The following MAPK10 variants were observed in gnomAD, a reference collection of about 807,000 sequenced individuals.
The protein encoded by MAPK10 is JNK3 alpha protein kinase.
A neutral mutation model predicts 59.3 loss-of-function variants in MAPK10; 25 were observed. That is an observed-to-expected ratio of 0.42 (90% confidence interval 0.31 to 0.59). MAPK10 has a LOEUF of 0.59. Ranked by LOEUF, MAPK10 falls within the 20% of genes least tolerant of loss-of-function variation. The pLI, the probability that MAPK10 is intolerant of heterozygous loss-of-function variation, is 0.15. For synonymous variants in MAPK10, 190 were observed against 200.5 expected, an observed-to-expected ratio of 0.95 and a Z score of 0.44; for missense variants, 351 against 568.9, an observed-to-expected ratio of 0.62 and a Z score of 3.90.
chr4:86,549,369 G>C (rs1759574517), intron 1 of MAPK10, among the ~76,000 whole-genome samples: 1 of 152,126 alleles, frequency 6.6e-6, no homozygotes. Flanking sequence ...ATAGTCCATT[G>C]CTCCTACACT....
chr4:86,175,795 T>G (rs1345840363), intron 3 of MAPK10, among the ~76,000 whole-genome samples: 1 of 152,166 alleles, frequency 6.6e-6, no homozygotes, highest in Non-Finnish European at 1.5e-5. Flanking sequence ...AAGAACAGAC[T>G]AATACATGAA....
chr4:86,089,423 T>C (rs2052621944), intron 9 of MAPK10: 1 of 591,478 alleles, frequency 1.7e-6, no homozygotes, highest in Non-Finnish European at 3.0e-6. Flanking sequence ...CATTAGCATT[T>C]TAAATGGTGG....
At chr4:86,514,339 T>C (rs1756499678) in intron 1 of MAPK10, among the ~76,000 whole-genome samples, 1 of 152,214 alleles carries the variant, frequency 6.6e-6, no homozygotes, top group Non-Finnish European at 1.5e-5. Context: ...ACCCTTTGTA[T>C]TGATCCTTGT....
At position 86,017,422 on chromosome 4, in the gene MAPK10, CT is replaced by C. The variant is rs745307119; in HGVS notation, c.1253-53del. 32 of 1,603,748 alleles carry C rather than the reference CT, an allele frequency of 2.0e-5. No individual in the cohort carries two copies. Among genetic ancestry groups the C allele is most frequent in the Non-Finnish European group, 2.6e-5 (31 of 1,172,930 alleles). Reference sequence around the variant, plus strand: ...TGACTCAATCTAGAACCAGACCCATCTTAATGCCATTCAGGATTCAGGGATG... The same window carrying C: ...TGACTCAATCTAGAACCAGACCCATCTAATGCCATTCAGGATTCAGGGATG... On this transcript the variant is annotated intron_variant, in intron 13 of 13. Transcript: ENST00000641462. The surrounding 1 kb of genome is among the most constrained non-coding windows in gnomAD (Gnocchi z 4.4).
At position 86,029,183 on chromosome 4, in the gene MAPK10, C is replaced by T. The variant is rs866182991; in HGVS notation, c.1252+14G>A. 7 of 1,581,246 alleles carry T rather than the reference C, an allele frequency of 4.4e-6. No individual in the cohort carries two copies. Among genetic ancestry groups the T allele is most frequent in the Middle Eastern group, 1.7e-4 (1 of 6,022 alleles). ...CAAGTACTAGTTTATTGGTTATTCA[C>T]GGAGAGTGAGTACCTGAAGGAGAAG... is the stretch of plus-strand genomic sequence containing the variant. On this transcript the variant is annotated intron_variant, in intron 13 of 13. Transcript: ENST00000641462.
intron 13 of MAPK10, chr4:86,020,535 GGTCTCACTGACTTCAA>G (rs1384580766): frequency 1.2e-5 from 2 of 170,612 alleles, no homozygotes; most frequent in Non-Finnish European, 2.4e-5. Flanking sequence ...GTGGGTTCTT[GGTCTCACTGACTTCAA>G]GATTGAAGCC....
chr4:86,536,244 C>T (rs1157743658), intron 1 of MAPK10, among the ~76,000 whole-genome samples: 2 of 152,208 alleles, frequency 1.3e-5, no homozygotes, highest in African/African-American at 4.8e-5. Flanking sequence ...TAAATATGCT[C>T]ATATAAATTC....
At chr4:86,019,521 T>A (rs1745243760) in intron 13 of MAPK10, among the ~76,000 whole-genome samples, 1 of 152,178 alleles carries the variant, frequency 6.6e-6, no homozygotes, top group South Asian at 2.1e-4. Context: ...ACAGAGCTGG[T>A]TCATTTCCCC....
chr4:86,088,397 G>T (rs943331757), intron 9 of MAPK10, among the ~76,000 whole-genome samples: 2 of 151,986 alleles, frequency 1.3e-5, no homozygotes, highest in Admixed American at 1.3e-4. Flanking sequence ...TCTTGCCTAG[G>T]CTGGTCTCAA....
upstream of MAPK10, among the ~76,000 whole-genome samples, chr4:86,360,539 CTGTTT>C (rs1736740286): frequency 6.6e-6 from 1 of 152,210 alleles, no homozygotes; most frequent in East Asian, 1.9e-4. Flanking sequence ...TTCCTCTTCT[CTGTTT>C]CCTTGTTTTT....
At chr4:86,265,540 T>C (rs1244282885) in intron 2 of MAPK10, among the ~76,000 whole-genome samples, 2 of 151,986 alleles carry the variant, frequency 1.3e-5, no homozygotes, top group African/African-American at 4.8e-5. Context: ...TGATATGGAT[T>C]CACTATTAAA....
chr4:86,031,516 C>A, intron 11 of MAPK10, 85 bp from the exon 12 acceptor site: 1 of 923,186 alleles, frequency 1.1e-6, no homozygotes, highest in South Asian at 1.4e-5. Context: ...ACCTTGCCCT[C>A]ATTTATTTCG....
chr4:86,282,897 A>G (rs75490644), intron 2 of MAPK10, among the ~76,000 whole-genome samples: 16,646 of 152,094 alleles, frequency 0.11, 941 homozygotes, highest in Middle Eastern at 0.13. Context: ...TTAAGACACA[A>G]GAGGTTTTAT....
At chr4:86,063,549 A>G (rs1249773847) in intron 11 of MAPK10, among the ~76,000 whole-genome samples, 1 of 152,166 alleles carries the variant, frequency 6.6e-6, no homozygotes, top group African/African-American at 2.4e-5. Flanking sequence ...ACACATGGGC[A>G]ACAGCAAGCC....
At chr4:86,247,622 T>A (rs944752282) in intron 2 of MAPK10, among the ~76,000 whole-genome samples, 2 of 149,438 alleles carry the variant, frequency 1.3e-5, no homozygotes, top group Non-Finnish European at 2.9e-5. Context: ...GTGATGGTGC[T>A]ATAATAGATA....
intron 2 of MAPK10, among the ~76,000 whole-genome samples, chr4:86,263,363 C>G (rs1285188814): frequency 6.6e-6 from 1 of 152,148 alleles, no homozygotes; most frequent in African/African-American, 2.4e-5. Flanking sequence ...AATGAGTCTA[C>G]TTGGTTCAAC....
In MAPK10 at chr4:86,485,167, C is replaced by T. The variant is rs868077697; in HGVS notation, c.-263+108743G>A. ...CTCCCTTTTACTTTTTTCTTCTTCCCCCACTTAACCTTTAGCCTTCCATTA... is the reference window on the plus strand; with the variant it reads ...CTCCCTTTTACTTTTTTCTTCTTCCTCCACTTAACCTTTAGCCTTCCATTA... On this transcript the variant is annotated intron_variant, in intron 1 of 4. Coordinates refer to the MAPK10 transcript ENST00000502302. Among the ~76,000 whole-genome samples the T allele has an allele frequency of 3.3e-5, 5 of 152,080 alleles. No individual in the cohort carries two copies. In the East Asian group the frequency reaches 9.7e-4, roughly 29 times the overall value.
chr4:86,395,569 G>A (rs1742798188), intron 1 of MAPK10, among the ~76,000 whole-genome samples: 1 of 152,218 alleles, frequency 6.6e-6, no homozygotes, highest in Admixed American at 6.5e-5. Context: ...GTTGTGGCTG[G>A]AGTGAGGAGA....
intron 2 of MAPK10, among the ~76,000 whole-genome samples, chr4:86,320,654 G>T (rs993828007): frequency 6.6e-5 from 10 of 152,106 alleles, no homozygotes; most frequent in African/African-American, 1.9e-4. Flanking sequence ...AGAAGCTCTT[G>T]AGTTTAATTA....
Sources: allele counts gnomAD v4.1 joint callset (sites outside exome capture counted in the v4.1 genomes callset), GRCh38; gene constraint gnomAD v4.1.1; non-coding constraint Gnocchi (gnomAD v3.1); transcripts MANE v1.5; gene names NCBI Gene and HGNC (gene_info 2026-07-23, HGNC 2026-07-21).